C1orf159: variants seen among roughly 807,000 people sequenced by gnomAD.
The protein encoded by C1orf159 is chromosome 1 open reading frame 159, also known as uncharacterized protein C1orf159.
A neutral mutation model predicts 25.6 loss-of-function variants in C1orf159; 19 were observed. The ratio of observed to expected loss-of-function variants is 0.74; its 90% CI spans 0.52 to 1.09. The LOEUF is 1.09. Among genes scored for constraint, C1orf159 ranks in the 50% least tolerant of loss-of-function variants. C1orf159 has a pLI of 0.00. For synonymous variants in C1orf159, 139 were observed against 124.7 expected, an observed-to-expected ratio of 1.12 and a Z score of -0.77; for missense variants, 274 against 290.6, an observed-to-expected ratio of 0.94 and a Z score of 0.42.
At chr1:1,085,811 C>T in intron 7 of C1orf159, 67 bp downstream of exon 7, 1 of 1,579,920 alleles carries the variant, frequency 6.3e-7, no homozygotes, top group Non-Finnish European at 8.6e-7. Flanking sequence ...GTCTCAGGCC[C>T]ATCTCCACGG....
chr1:1,102,746 C>T (rs1225080859), intron 1 of C1orf159, among the ~76,000 whole-genome samples: 7 of 150,142 alleles, frequency 4.7e-5, no homozygotes, highest in Admixed American at 2.0e-4. Flanking sequence ...TGCAGTGAGA[C>T]GAGATCGTGC....
chr1:1,099,548 A>T (rs201161034), intron 1 of C1orf159, among the ~76,000 whole-genome samples: 988 of 78,586 alleles, frequency 0.013, no homozygotes, highest in African/African-American at 0.041. Context: ...GTTCTAAGAA[A>T]TGGAGAGAGA....
At chr1:1,094,064 T>G (rs1038118203) in intron 1 of C1orf159, among the ~76,000 whole-genome samples, 10 of 152,136 alleles carry the variant, frequency 6.6e-5, no homozygotes, top group Non-Finnish European at 1.5e-4. Flanking sequence ...CCCATTTTGT[T>G]TAATTGGGTG....
intron 9 of C1orf159, chr1:1,083,664 C>A (rs1645780201): frequency 5.5e-6 from 3 of 545,768 alleles, no homozygotes; most frequent in Non-Finnish European, 9.7e-6. Context: ...TTGAAGCTGG[C>A]AGCCCCGGGG....
chr1:1,105,440 A>G (rs978480701), intron 1 of C1orf159, among the ~76,000 whole-genome samples: 1 of 152,158 alleles, frequency 6.6e-6, no homozygotes. Context: ...CAGGAGGTTG[A>G]GGCTGCAGTG....
intron 1 of C1orf159, among the ~76,000 whole-genome samples, chr1:1,108,825 T>C (rs1646216686): frequency 9.0e-6 from 1 of 110,672 alleles, no homozygotes; most frequent in Non-Finnish European, 1.7e-5. Context: ...AGCAGCATTG[T>C]TCACCACAGC....
intron 2 of C1orf159, 92 bp downstream of exon 2, chr1:1,091,897 CAG>C: frequency 2.2e-6 from 1 of 459,736 alleles, no homozygotes; most frequent in South Asian, 1.7e-5. Flanking sequence ...AGGGCCACGA[CAG>C]GGAAGGTGGA....
chr1:1,088,986 G>A (rs564213690), intron 4 of C1orf159, among the ~76,000 whole-genome samples: 1 of 152,344 alleles, frequency 6.6e-6, no homozygotes, highest in African/African-American at 2.4e-5. Flanking sequence ...ACTTCAGCGA[G>A]GCTCTGTCTG....
At chr1:1,088,070 G>A (rs1645862838) in intron 4 of C1orf159, among the ~76,000 whole-genome samples, 1 of 151,642 alleles carries the variant, frequency 6.6e-6, no homozygotes, top group African/African-American at 2.4e-5. Flanking sequence ...ACTGCAGGCT[G>A]GGCCCGGCTT....
At chr1:1,083,912 A>T in intron 9 of C1orf159, 1 of 1,574,576 alleles carries the variant, frequency 6.4e-7, no homozygotes, top group Non-Finnish European at 8.6e-7. Context: ...AATGGGTCCT[A>T]ACCGGGCTGA....
At chr1:1,094,486 C>T (rs940209477) in intron 1 of C1orf159, among the ~76,000 whole-genome samples, 17 of 152,056 alleles carry the variant, frequency 1.1e-4, no homozygotes, top group Non-Finnish European at 2.1e-4. Context: ...CTGCAAGCCC[C>T]GCCTTCTGGG....
intron 1 of C1orf159, among the ~76,000 whole-genome samples, chr1:1,113,858 T>C (rs1646296304): frequency 6.6e-6 from 1 of 151,898 alleles, no homozygotes; most frequent in African/African-American, 2.4e-5. Context: ...CTGCGGGCAC[T>C]TGGGAGGGAG....
intron 1 of C1orf159, among the ~76,000 whole-genome samples, chr1:1,093,574 C>A (rs1287272234): frequency 1.3e-5 from 2 of 152,254 alleles, no homozygotes; most frequent in East Asian, 1.9e-4. Flanking sequence ...TAGGGTCTTA[C>A]ACAAAGGGGT....
rs143230033 is a variant in C1orf159 at position 1,090,170 on chromosome 1, G to A, written c.148+183C>T. ...TCTCATGAGGCTGCCGCTCAAGGCC[G>A]CCCGCCAGAAAGGAGGCTCAGATGT... On this transcript the variant is annotated intron_variant, in intron 4 of 9. Coordinates refer to ENST00000421241, the MANE Select transcript of C1orf159 (RefSeq NM_017891.5). Among the ~76,000 whole-genome samples the A allele has an allele frequency of 5.4e-4, 82 of 152,258 alleles. 1 individual carries two copies. In the East Asian group the frequency reaches 0.014, roughly 26 times the overall value.
rs1486116905 is a variant in C1orf159 at position 1,082,510 on chromosome 1, G to A, written c.*383C>T. ...GGAGTCCTGCCCGCTGTGGGCTCTG[G>A]AGGGCACGGCAGCAGAGCCCCTGGC... On this transcript the variant is annotated 3_prime_UTR_variant, in exon 10 of 10. Transcript: ENST00000421241. The A allele has an allele frequency of 3.5e-5, 10 of 287,084 alleles. No individual in the cohort carries two copies. In the East Asian group the frequency reaches 1.0e-3, roughly 29 times the overall value. 17.8% of individuals were successfully genotyped at this position (287,084 alleles called of 1,614,324 possible). A position where few individuals can be genotyped will look rare whatever the true frequency, so the allele number is the denominator to read the frequency against.
rs550215432 is a variant in C1orf159, at chr1:1,089,546, A to AC, written c.148+806dup. Among the ~76,000 whole-genome samples the AC allele has an allele frequency of 6.6e-6, 1 of 151,520 alleles. No individual in the cohort carries two copies. The highest frequency in any genetic ancestry group is 2.1e-4 in the South Asian group (1 of 4,776). ...CCCCAACCCCCACGCCCAGCCTCGG[A>AC]CCCCCGCGCCCAGCCTCACTGGCTG... On this transcript the variant is annotated intron_variant, in intron 4 of 9. Transcript: ENST00000421241. The surrounding 1 kb of genome is among the most constrained non-coding windows in gnomAD (Gnocchi z 7.5).
At position 1,087,316 on chromosome 1, in the gene C1orf159, G is replaced by A. The variant is rs1645847577; in HGVS notation, c.245-112C>T. On this transcript the variant is annotated intron_variant, in intron 5 of 9. Coordinates refer to ENST00000421241, the MANE Select transcript of C1orf159 (RefSeq NM_017891.5). This position sits in a 1 kb window ranked among gnomAD's most constrained non-coding sequence, Gnocchi z 8.3. Reference sequence around the variant, plus strand: ...AATATGAAAGCGAGGGGCTGAGGGGGCGGAGCAGCCCTCACCACAGAGCTG... The same window carrying A: ...AATATGAAAGCGAGGGGCTGAGGGGACGGAGCAGCCCTCACCACAGAGCTG... 8.1e-7 allele frequency: 1 copy of A among 1,242,180 alleles called. No individual in the cohort carries two copies. Among genetic ancestry groups the A allele is most frequent in the Non-Finnish European group, 1.1e-6 (1 of 907,912 alleles). 76.9% of individuals were successfully genotyped at this position (1,242,180 alleles called of 1,614,324 possible). A position where few individuals can be genotyped will look rare whatever the true frequency, so the allele number is the denominator to read the frequency against.
chr1:1,099,011 A>C (rs529175759), intron 1 of C1orf159, among the ~76,000 whole-genome samples: 1 of 152,352 alleles, frequency 6.6e-6, no homozygotes, highest in South Asian at 2.1e-4. Flanking sequence ...TTATTGTTCC[A>C]AGAATCGGAG....
intron 1 of C1orf159, among the ~76,000 whole-genome samples, chr1:1,099,005 T>A (rs982091697): frequency 6.6e-6 from 1 of 152,154 alleles, no homozygotes; most frequent in East Asian, 1.9e-4. Context: ...TTTGGTTTAT[T>A]GTTCCAAGAA....
Sources: allele counts gnomAD v4.1 joint callset (sites outside exome capture counted in the v4.1 genomes callset), GRCh38; gene constraint gnomAD v4.1.1; non-coding constraint Gnocchi (gnomAD v3.1); transcripts MANE v1.5; gene names NCBI Gene and HGNC (gene_info 2026-07-23, HGNC 2026-07-21).